KMT2C: variants seen among roughly 807,000 people sequenced by gnomAD.
KMT2C encodes the protein lysine methyltransferase 2C, also known as histone-lysine N-methyltransferase 2C.
In KMT2C, 88 loss-of-function variants were observed where a neutral mutation model predicts 507.9. That is an observed-to-expected ratio of 0.17 (90% CI 0.15 to 0.21). The LOEUF (loss-of-function observed/expected upper bound fraction) is 0.21. KMT2C is among the 10% of genes least tolerant of loss of function. KMT2C has a pLI of 1.00. For missense variants in KMT2C, 4,954 were observed against 5,957.8 expected (o/e 0.83, Z 5.55); for synonymous variants, 2,049 against 2,080.8 (o/e 0.98, Z 0.42).
chr7:152,340,976 T>C (rs1462705180), intron 2 of KMT2C, among the ~76,000 whole-genome samples: 1 of 152,244 alleles, frequency 6.6e-6, no homozygotes, highest in African/African-American at 2.4e-5. Context: ...TTTCCTTTAG[T>C]TTTCCTACAT....
At chr7:152,383,584 G>C (rs1043982702) in intron 1 of KMT2C, among the ~76,000 whole-genome samples, 1 of 152,196 alleles carries the variant, frequency 6.6e-6, no homozygotes, top group African/African-American at 2.4e-5. Flanking sequence ...GGGGCACAGA[G>C]CATACACTTA....
chr7:152,251,919 A>C lies in KMT2C; in HGVS notation c.1621+20T>G, dbSNP rs1173775973. The C allele has an allele frequency of 6.4e-7, 1 of 1,556,124 alleles. No homozygotes were observed. The highest frequency in any genetic ancestry group is 1.9e-5 in the Admixed American group (1 of 52,184). On this transcript the variant is annotated intron_variant, in intron 11 of 58. Transcript: ENST00000262189. Reference sequence around the variant, plus strand: ...ATTACAAAAACAAAAAATTTAAAAAAAAATCATTCTCAAATTTACCTGTAG... The same window carrying C: ...ATTACAAAAACAAAAAATTTAAAAACAAATCATTCTCAAATTTACCTGTAG...
intron 2 of KMT2C, among the ~76,000 whole-genome samples, chr7:152,344,981 T>C (rs1195674205): frequency 2.0e-5 from 3 of 151,804 alleles, no homozygotes; most frequent in Non-Finnish European, 4.4e-5. Context: ...AGTGAGACTC[T>C]GTCTCAAAAA....
Position 152,148,323 on chromosome 7 carries a change from A to G in KMT2C, c.13604T>C (p.Ile4535Thr). 10 of 1,614,262 alleles carry G rather than the reference A, an allele frequency of 6.2e-6. No homozygotes were observed. Among genetic ancestry groups the G allele is most frequent in the Non-Finnish European group, 8.5e-6 (10 of 1,180,052 alleles). Residue 4535 changes from isoleucine to threonine, a missense_variant, in exon 52 of 59, where the codon ATT becomes ACT. By Grantham distance (89) the Ile-to-Thr change is moderately conservative. This residue lies in a region of KMT2C where 221 missense variants were observed against 304.7 expected (regional missense o/e 0.73). Transcript: ENST00000262189. This position sits in a 1 kb window ranked among gnomAD's most constrained non-coding sequence, Gnocchi z 7.1. ...VYVQRDEVRQ[I>T]ASIVQRGERD... ...TTCTCCTCGTTGCACGATGCTAGCA[A>G]TCTGTCGCACCTCATCACGCTGAAC...
chr7:152,386,453 T>C (rs2097427502), intron 1 of KMT2C, among the ~76,000 whole-genome samples: 1 of 152,306 alleles, frequency 6.6e-6, no homozygotes, highest in African/African-American at 2.4e-5. Flanking sequence ...AAAAACTGGC[T>C]ATTTACCAAA....
chr7:152,349,162 A>C (rs1371345248), intron 2 of KMT2C, among the ~76,000 whole-genome samples: 1 of 152,110 alleles, frequency 6.6e-6, no homozygotes, highest in Non-Finnish European at 1.5e-5. Flanking sequence ...GACACGGAGG[A>C]GGGCTGGGCG....
rs1248875994 is a variant in KMT2C at position 152,136,389 on chromosome 7, T to A, written c.*443A>T. 2 of 231,934 alleles carry A rather than the reference T, an allele frequency of 8.6e-6. No homozygotes were observed. The highest frequency in any genetic ancestry group is 4.5e-5 in the African/African-American group (2 of 44,854). The allele number at this position is 231,934 out of a possible 1,614,324, so 14.4% of individuals were successfully genotyped here. ...TTTTTAATAAGGCCGTGGCCAGCAC[T>A]CTCTGTCCCCCTCGCTGGTGATTTC... On this transcript the variant is annotated 3_prime_UTR_variant, in exon 59 of 59. Transcript: ENST00000262189.
intron 13 of KMT2C, among the ~76,000 whole-genome samples, chr7:152,249,299 T>A (rs971425798): frequency 4.0e-5 from 6 of 149,292 alleles, no homozygotes; most frequent in African/African-American, 1.5e-4. Flanking sequence ...CATTTACCAA[T>A]CAGTGACTAA....
intron 3 of KMT2C, among the ~76,000 whole-genome samples, chr7:152,318,447 C>T (rs1268215902): frequency 6.7e-6 from 1 of 149,690 alleles, no homozygotes; most frequent in Non-Finnish European, 1.5e-5. Flanking sequence ...CACCCACCCC[C>T]TCCCCATCTC....
In KMT2C at chr7:152,375,867, C is replaced by G. The variant is rs574781029; in HGVS notation, c.162-17192G>C. Among the ~76,000 whole-genome samples the G allele has an allele frequency of 1.8e-4, 28 of 152,220 alleles. 1 individual carries two copies. In the East Asian group the frequency reaches 3.5e-3, roughly 19 times the overall value. On this transcript the variant is annotated intron_variant, in intron 1 of 58. Coordinates refer to ENST00000262189, the MANE Select transcript of KMT2C (RefSeq NM_170606.3). The stretch of plus-strand genomic sequence containing the variant: ...GTTGAGAAAGGGTCTTGTTCTGTCA[C>G]CCAGGCTGGAGTGCAGTGGCACAAT...
At chr7:152,432,938 G>A (rs2097877406) in intron 1 of KMT2C, among the ~76,000 whole-genome samples, 2 of 151,132 alleles carry the variant, frequency 1.3e-5, no homozygotes, top group Admixed American at 1.3e-4. Flanking sequence ...CCTGAGGTCG[G>A]GGGTTCAAGA....
intron 1 of KMT2C, among the ~76,000 whole-genome samples, chr7:152,399,661 C>T (rs1029145440): frequency 2.6e-4 from 40 of 151,010 alleles, no homozygotes; most frequent in African/African-American, 9.0e-4. Context: ...GGTTAAAAGC[C>T]TACAATATAA....
chr7:152,353,120 C>T (rs1392876852), intron 2 of KMT2C, among the ~76,000 whole-genome samples: 1 of 152,152 alleles, frequency 6.6e-6, no homozygotes, highest in Admixed American at 6.5e-5. Context: ...ACAGCCACCA[C>T]CAACAAAAGA....
At chr7:152,150,604 GACTCCATCTCAA>G (rs1175472434) in intron 51 of KMT2C, among the ~76,000 whole-genome samples, 3 of 152,052 alleles carry the variant, frequency 2.0e-5, no homozygotes, top group Non-Finnish European at 4.4e-5. Flanking sequence ...ACCAGAATGA[GACTCCATCTCAA>G]AAAAAAATTA....
chr7:152,271,997 G>T (rs58419864), intron 7 of KMT2C, among the ~76,000 whole-genome samples: 1,914 of 151,188 alleles, frequency 0.013, 39 homozygotes, highest in African/African-American at 0.044. Flanking sequence ...ATATATTTTT[G>T]GGGGGGGTCT....
At chr7:152,293,768 T>C (rs528072268) in intron 6 of KMT2C, among the ~76,000 whole-genome samples, 2 of 152,362 alleles carry the variant, frequency 1.3e-5, no homozygotes, top group Non-Finnish European at 2.9e-5. Context: ...CATACAAAAC[T>C]CTTAATTTTC....
At chr7:152,390,693 T>G (rs2097486001) in intron 1 of KMT2C, among the ~76,000 whole-genome samples, 1 of 152,274 alleles carries the variant, frequency 6.6e-6, no homozygotes, top group South Asian at 2.1e-4. Context: ...ATGAAAGTGC[T>G]GAGACTCAAA....
intron 2 of KMT2C, among the ~76,000 whole-genome samples, chr7:152,354,747 G>C (rs1453172488): frequency 1.3e-5 from 2 of 152,198 alleles, no homozygotes; most frequent in African/African-American, 2.4e-5. Flanking sequence ...GAAAAGCCAG[G>C]AGGCCAGTAA....
rs76996165 is a variant in KMT2C at position 152,370,706 on chromosome 7, T to G, written c.162-12031A>C. On this transcript the variant is annotated intron_variant, in intron 1 of 58. Coordinates refer to ENST00000262189, the MANE Select transcript of KMT2C (RefSeq NM_170606.3). ...CCAGGAATGCTACACTTGTTCAATA[T>G]TCAAAAAATCAATCAATGTAATCTA... is the stretch of plus-strand genomic sequence containing the variant. 1.1e-3 allele frequency among the ~76,000 whole-genome samples: 173 copies of G among 152,292 alleles called. 2 individuals carry two copies. The East Asian group carries it at 0.03, about 27-fold the overall frequency.
Sources: allele counts gnomAD v4.1 joint callset (sites outside exome capture counted in the v4.1 genomes callset), GRCh38; gene constraint gnomAD v4.1.1; regional missense constraint gnomAD v4.1.1; non-coding constraint Gnocchi (gnomAD v3.1); transcripts MANE v1.5; gene names NCBI Gene and HGNC (gene_info 2026-07-23, HGNC 2026-07-21).